The following UCHL3 variants were observed in gnomAD, a reference collection of about 807,000 sequenced individuals.
The protein encoded by UCHL3 is ubiquitin C-terminal hydrolase L3.
UCHL3 carries 22 observed loss-of-function variants against 35.8 expected under a neutral mutation model. The observed-to-expected ratio is 0.61, with a 90% confidence interval of 0.44 to 0.88. The LOEUF is 0.88. Among genes scored for constraint, UCHL3 ranks in the 40% least tolerant of loss-of-function variants. The pLI is 0.00. For synonymous variants in UCHL3, 90 were observed against 92.8 expected, an observed-to-expected ratio of 0.97 and a Z score of 0.17; for missense variants, 229 against 276.9, an observed-to-expected ratio of 0.83 and a Z score of 1.23.
chr13:75,601,665 A>C (rs2032784345), intron 7 of UCHL3, among the ~76,000 whole-genome samples: 1 of 152,250 alleles, frequency 6.6e-6, no homozygotes, highest in South Asian at 2.1e-4. Context: ...AGGAAACAAA[A>C]AAATTTGTGA....
At chr13:75,559,763 G>A (rs1424648353) in intron 2 of UCHL3, among the ~76,000 whole-genome samples, 1 of 152,164 alleles carries the variant, frequency 6.6e-6, no homozygotes, top group Non-Finnish European at 1.5e-5. Context: ...ATGTGTTCTT[G>A]AGGTAAGATA....
At chr13:75,595,062 A>T (rs2032609162) in intron 7 of UCHL3, 72 bp downstream of exon 7, 2 of 1,142,872 alleles carry the variant, frequency 1.7e-6, no homozygotes, top group Non-Finnish European at 2.5e-6. Context: ...GATAAACAGG[A>T]CTATTGATAT....
intron 8 of UCHL3, 120 bp from the exon 9 acceptor site, chr13:75,605,609 A>T: frequency 2.1e-6 from 2 of 971,606 alleles, no homozygotes; most frequent in Non-Finnish European, 3.0e-6. Flanking sequence ...TTTATTTCTC[A>T]TTTGGAAAAG....
chr13:75,577,266 AT>A (rs771177741), intron 6 of UCHL3, among the ~76,000 whole-genome samples: 8 of 152,130 alleles, frequency 5.3e-5, no homozygotes, highest in African/African-American at 7.2e-5. Flanking sequence ...GAGAAAAAAT[AT>A]TTGGAAAAAA....
intron 3 of UCHL3, among the ~76,000 whole-genome samples, chr13:75,561,796 T>C (rs184918778): frequency 1.4e-3 from 211 of 148,018 alleles, no homozygotes; most frequent in African/African-American, 2.6e-3. Context: ...TGTGTATATA[T>C]GTATACGTAT....
intron 2 of UCHL3, among the ~76,000 whole-genome samples, chr13:75,560,002 A>G (rs943346083): frequency 2.0e-5 from 3 of 152,132 alleles, no homozygotes; most frequent in Non-Finnish European, 4.4e-5. Flanking sequence ...TTTTTGTTAC[A>G]GTTATTTTGC....
At chr13:75,562,306 A>G (rs2031544828) in intron 3 of UCHL3, among the ~76,000 whole-genome samples, 1 of 152,120 alleles carries the variant, frequency 6.6e-6, no homozygotes, top group South Asian at 2.1e-4. Flanking sequence ...TGCATTTACT[A>G]TTCATAATAG....
At chr13:75,579,699 G>A (rs1490593144) in intron 6 of UCHL3, among the ~76,000 whole-genome samples, 1 of 152,076 alleles carries the variant, frequency 6.6e-6, no homozygotes, top group Non-Finnish European at 1.5e-5. Flanking sequence ...TTCCAGATCT[G>A]ACTAGATGAA....
chr13:75,576,154 A>G (rs1566218995), intron 6 of UCHL3, among the ~76,000 whole-genome samples: 1 of 152,240 alleles, frequency 6.6e-6, no homozygotes, highest in African/African-American at 2.4e-5. Context: ...AGCTTGGGAT[A>G]GGAAACAGAT....
At chr13:75,596,776 G>C (rs2032656476) in intron 7 of UCHL3, among the ~76,000 whole-genome samples, 1 of 152,118 alleles carries the variant, frequency 6.6e-6, no homozygotes, top group South Asian at 2.1e-4. Context: ...GAGGCTAAAA[G>C]GGCAGTTAGA....
Position 75,549,858 on chromosome 13 carries a change from C to T in UCHL3, c.38C>T (p.Pro13Leu). The T allele has an allele frequency of 1.9e-6, 3 of 1,608,292 alleles. No individual in the cohort carries two copies. The highest frequency in any genetic ancestry group is 2.5e-6 in the Non-Finnish European group (3 of 1,177,124). ...CGCTGGCTGCCGCTGGAGGCCAATC[C>T]CGAGGTGGGCGCGCTTCGGGGCAGC... ...GQRWLPLEAN[P>L]EVTNQFLKQL... The change falls in exon 1 of 9, where the codon CCC (proline) becomes CTC (leucine). Residue 13 changes from proline (P) to leucine (L), a missense_variant. By Grantham distance (98) the Pro-to-Leu change is moderately conservative. Transcript: ENST00000377595.
intron 6 of UCHL3, among the ~76,000 whole-genome samples, chr13:75,585,886 A>C (rs967232214): frequency 1.3e-5 from 2 of 152,084 alleles, no homozygotes; most frequent in Non-Finnish European, 2.9e-5. Flanking sequence ...AAGTATAAAC[A>C]AGAAGCCCAC....
intron 5 of UCHL3, among the ~76,000 whole-genome samples, chr13:75,567,757 AG>A (rs1264946104): frequency 1.3e-5 from 2 of 152,104 alleles, no homozygotes; most frequent in African/African-American, 2.4e-5. Flanking sequence ...CATGTTGGTC[AG>A]GCTGGTCTCG....
intron 3 of UCHL3, among the ~76,000 whole-genome samples, chr13:75,565,492 G>C (rs947762519): frequency 5.3e-5 from 8 of 152,106 alleles, no homozygotes; most frequent in African/African-American, 1.2e-4. Context: ...ACTACTTGTA[G>C]GTTTTCTATA....
At chr13:75,561,262 C>G (rs2031486286) in intron 3 of UCHL3, among the ~76,000 whole-genome samples, 1 of 152,236 alleles carries the variant, frequency 6.6e-6, no homozygotes, top group East Asian at 1.9e-4. Context: ...TTTTAATTTA[C>G]AAAGTTTTTG....
intron 7 of UCHL3, among the ~76,000 whole-genome samples, chr13:75,602,111 A>AC (rs1427116731): frequency 1.6e-4 from 25 of 151,974 alleles, no homozygotes; most frequent in Non-Finnish European, 1.6e-4. Flanking sequence ...TCTGTCTCAA[A>AC]AAAAACAAAA....
chr13:75,569,788 G>T (rs1290979579), intron 6 of UCHL3, among the ~76,000 whole-genome samples: 5 of 152,246 alleles, frequency 3.3e-5, no homozygotes, highest in Non-Finnish European at 7.3e-5. Flanking sequence ...TTGGTGGCCT[G>T]TGTCTTCCCT....
intron 7 of UCHL3, among the ~76,000 whole-genome samples, chr13:75,603,166 T>C (rs948027439): frequency 6.6e-6 from 1 of 152,122 alleles, no homozygotes. Context: ...ATTTATTAAT[T>C]CTTTGTAAAG....
intron 6 of UCHL3, among the ~76,000 whole-genome samples, chr13:75,587,478 A>G (rs982992222): frequency 1.3e-5 from 2 of 152,128 alleles, no homozygotes; most frequent in African/African-American, 4.8e-5. Flanking sequence ...ACTGATATTA[A>G]TGTAAGTTAA....
Sources: gnomAD v4.1 joint callset for allele counts (sites outside exome capture counted in the v4.1 genomes callset) on GRCh38, gnomAD v4.1.1 for gene constraint, MANE v1.5 for transcripts, NCBI Gene and HGNC (gene_info 2026-07-23, HGNC 2026-07-21) for gene names.